SEMA4F: variants seen among roughly 807,000 people sequenced by gnomAD.
SEMA4F encodes ssemaphorin 4F.
Under a neutral mutation model 78.4 loss-of-function variants are expected in SEMA4F, and 51 were observed. That is an observed-to-expected ratio of 0.65 (90% confidence interval 0.52 to 0.82). The LOEUF is 0.82. Ranked by LOEUF, SEMA4F falls within the 40% of genes least tolerant of loss-of-function variation. The pLI, the probability that SEMA4F is intolerant of heterozygous loss-of-function variation, is 0.00. For missense variants in SEMA4F, 938 were observed against 1,014.4 expected, an observed-to-expected ratio of 0.92 and a Z score of 1.02; for synonymous variants, 418 against 408.7, an observed-to-expected ratio of 1.02 and a Z score of -0.27.
chr2:74,688,797 G>C (rs1685868240), downstream of SEMA4F, among the ~76,000 whole-genome samples: 1 of 152,134 alleles, frequency 6.6e-6, no homozygotes, highest in African/African-American at 2.4e-5. Context: ...TGGACAAATT[G>C]AATTTTATGT....
chr2:74,685,162 T>G (rs1685791484), downstream of SEMA4F, among the ~76,000 whole-genome samples: 1 of 152,212 alleles, frequency 6.6e-6, no homozygotes, highest in Non-Finnish European at 1.5e-5. Flanking sequence ...TACAGTGAAT[T>G]TCCTCTTAGA....
At chr2:74,671,141 A>G (rs1448462516) in intron 5 of SEMA4F, among the ~76,000 whole-genome samples, 1 of 152,244 alleles carries the variant, frequency 6.6e-6, no homozygotes, top group Non-Finnish European at 1.5e-5. Context: ...TACAAGTACT[A>G]GTACTTGGGT....
the SEMA4F span, among the ~76,000 whole-genome samples, chr2:74,707,535 C>T: frequency 6.6e-6 from 1 of 150,762 alleles, no homozygotes; most frequent in African/African-American, 2.4e-5. Flanking sequence ...TTGAAGACTT[C>T]TGCTTCTGGC....
In SEMA4F at chr2:74,675,739, G is replaced by A. The variant is rs377106348; in HGVS notation, c.1483-10G>A. On this transcript the variant is annotated splice_polypyrimidine_tract_variant and intron_variant, in intron 11 of 13. Coordinates refer to ENST00000357877, the MANE Select transcript of SEMA4F (RefSeq NM_004263.5). ...CCAGTGTATTCCCCTTCCCCACTCC[G>A]TTTTTATAGAGCTGGCTCCTGGTTG... The A allele has an allele frequency of 1.3e-5, 21 of 1,613,718 alleles. No individual in the cohort carries two copies. Among genetic ancestry groups the A allele is most frequent in the Admixed American group, 3.3e-5 (2 of 59,986 alleles).
chr2:74,697,090 C>T, the SEMA4F span, among the ~76,000 whole-genome samples: 3 of 152,244 alleles, frequency 2.0e-5, no homozygotes, highest in Non-Finnish European at 2.9e-5. Flanking sequence ...AGGCCTGTAC[C>T]ATTTTGCATT....
chr2:74,654,632 C>T (rs1684022855), intron 1 of SEMA4F, 111 bp downstream of exon 1: 5 of 933,316 alleles, frequency 5.4e-6, no homozygotes, highest in South Asian at 4.0e-5. Context: ...TGGTGTATGG[C>T]GTTTCACGCC....
the SEMA4F span, among the ~76,000 whole-genome samples, chr2:74,704,127 A>G: frequency 6.6e-6 from 1 of 151,960 alleles, no homozygotes; most frequent in Non-Finnish European, 1.5e-5. Flanking sequence ...CATTAAATTC[A>G]TCCCAGCTTG....
chr2:74,704,945 T>A, the SEMA4F span, among the ~76,000 whole-genome samples: 1 of 152,136 alleles, frequency 6.6e-6, no homozygotes, highest in East Asian at 1.9e-4. Context: ...TGCCCCTCAA[T>A]CCAAGGGTCC....
the SEMA4F span, among the ~76,000 whole-genome samples, chr2:74,708,991 T>C: frequency 1.3e-5 from 2 of 151,894 alleles, no homozygotes; most frequent in African/African-American, 4.8e-5. Flanking sequence ...CATGACAAAT[T>C]CCTGTCTCTA....
Position 74,679,762 on chromosome 2 carries a change from C to A in SEMA4F, c.1866C>A (p.Ala622=). Residue 622 remains alanine (A), a synonymous_variant, in exon 14 of 14, where the codon GCC becomes GCA. Transcript: ENST00000357877. ...DGLEVVVTPG[A]MGAYACECQE... ...TGGAGGTGGTGGTGACCCCAGGGGC[C>A]ATGGGCGCTTATGCCTGTGAATGTC... is the stretch of plus-strand genomic sequence containing the variant. 1 of 1,614,156 alleles carries A rather than the reference C, an allele frequency of 6.2e-7. No homozygotes were observed. Among genetic ancestry groups the A allele is most frequent in the Non-Finnish European group, 8.5e-7 (1 of 1,180,014 alleles).
the SEMA4F span, among the ~76,000 whole-genome samples, chr2:74,695,307 C>G: frequency 6.6e-6 from 1 of 152,176 alleles, no homozygotes; most frequent in Non-Finnish European, 1.5e-5. Context: ...CTTGAACCTT[C>G]AGGCTCTGTC....
Position 74,679,539 on chromosome 2 carries a change from C to T in SEMA4F, c.1703-60C>T, listed in dbSNP as rs924847243. The T allele has an allele frequency of 3.9e-6, 6 of 1,551,568 alleles. No individual in the cohort carries two copies. The African/African-American group carries it at 6.8e-5, about 18-fold the overall frequency. ...ATGTCCGACATCACCCCACACTTTT[C>T]TTCATCACACCTCCAGCCTTTAGCC... On this transcript the variant is annotated intron_variant, in intron 13 of 13. Coordinates refer to ENST00000357877, the MANE Select transcript of SEMA4F (RefSeq NM_004263.5).
Position 74,675,304 on chromosome 2 carries a change from ATAC to A in SEMA4F, c.1293_1295del (p.Asp431_Thr432delinsGlu). ...GGCCACCCCCTGCTGGTCACTACAGATACAGCCTATCTCAGAGTCGTGGCCCAC... is the reference window on the plus strand; with the variant it reads ...GGCCACCCCCTGCTGGTCACTACAGAAGCCTATCTCAGAGTCGTGGCCCAC... On this transcript the variant is annotated inframe_deletion, in exon 10 of 14. Transcript: ENST00000357877. 6.2e-7 allele frequency: 1 copy of A among 1,614,146 alleles called. No individual in the cohort carries two copies. Among genetic ancestry groups the A allele is most frequent in the Non-Finnish European group, 8.5e-7 (1 of 1,180,032 alleles).
chr2:74,656,426 A>G, intron 1 of SEMA4F, 108 bp from the exon 2 acceptor site: 1 of 1,074,574 alleles, frequency 9.3e-7, no homozygotes, highest in East Asian at 2.4e-5. Context: ...ATGGCTGCTT[A>G]ATAAATGGTA....
At position 74,673,691 on chromosome 2, in the gene SEMA4F, G is replaced by T. The variant is rs1205236635; in HGVS notation, c.685G>T (p.Ala229Ser). Residue 229 changes from alanine to serine, a missense_variant, in exon 7 of 14, where the codon GCA becomes TCA. Ala to Ser is a moderately conservative substitution (Grantham distance 99, BLOSUM62 1). Coordinates refer to ENST00000357877, the MANE Select transcript of SEMA4F (RefSeq NM_004263.5). ...GGTATTCCCAGCCCCAGCCTTTGTC[G>T]CAGCCGTGGCCTTGAGCCCAGCCGA... is the stretch of plus-strand genomic sequence containing the variant. ...PSWLNAPAFV[A>S]AVALSPAEWG... 5 of 1,613,798 alleles carry T rather than the reference G, an allele frequency of 3.1e-6. No individual in the cohort carries two copies. The South Asian group carries it at 3.3e-5, about 11-fold the overall frequency.
the SEMA4F span, among the ~76,000 whole-genome samples, chr2:74,703,376 A>G: frequency 6.6e-6 from 1 of 152,242 alleles, no homozygotes; most frequent in Admixed American, 6.5e-5. Context: ...ATGTTCTAAA[A>G]GGTCAGAGAA....
chr2:74,687,072 A>G (rs1685839229), downstream of SEMA4F, among the ~76,000 whole-genome samples: 1 of 152,214 alleles, frequency 6.6e-6, no homozygotes, highest in African/African-American at 2.4e-5. Flanking sequence ...TACAATTAGA[A>G]TGAAATCCAA....
At chr2:74,661,330 A>C (rs1684413819) in intron 4 of SEMA4F, among the ~76,000 whole-genome samples, 1 of 152,200 alleles carries the variant, frequency 6.6e-6, no homozygotes, top group Non-Finnish European at 1.5e-5. Flanking sequence ...ATGGTGGACT[A>C]TTTTCTCATT....
rs1685213715 is a variant in SEMA4F at position 74,675,345 on chromosome 2, C to T, written c.1333C>T (p.Leu445Phe). The change falls in exon 10 of 14, where the codon CTC becomes TTC. Residue 445 changes from leucine to phenylalanine, a missense_variant. Transcript: ENST00000357877. ...AGTCGTGGCCCACAGGGTGACCAGC[C>T]TCTCAGGGAAAGAGTATGATGTGCT... ...LRVVAHRVTSLSGKEYDVLYL... is the reference protein window; with the variant it reads ...LRVVAHRVTSFSGKEYDVLYL... 6.2e-7 allele frequency: 1 copy of T among 1,614,024 alleles called. No homozygotes were observed. Among genetic ancestry groups the T allele is most frequent in the South Asian group, 1.1e-5 (1 of 91,078 alleles).
Sources: allele counts gnomAD v4.1 joint callset (sites outside exome capture counted in the v4.1 genomes callset), GRCh38; gene constraint gnomAD v4.1.1; transcripts MANE v1.5; gene names NCBI Gene and HGNC (gene_info 2026-07-23, HGNC 2026-07-21).